Variants in PASK observed in about 807,000 individuals in gnomAD.
PASK encodes the protein PAS domain containing serine/threonine kinase.
A neutral mutation model predicts 121.0 loss-of-function variants in PASK; 110 were observed. The ratio of observed to expected loss-of-function variants is 0.91; its 90% CI spans 0.78 to 1.06. The LOEUF (loss-of-function observed/expected upper bound fraction) is 1.06. Among genes scored for constraint, PASK ranks in the 50% least tolerant of loss-of-function variants. PASK has a pLI of 0.00. For missense variants in PASK, 1,643 were observed against 1,702.3 expected (o/e 0.97, Z 0.61); for synonymous variants, 686 against 717.8 (o/e 0.96, Z 0.71).
intron 5 of PASK, 107 bp downstream of exon 5, chr2:241,138,547 T>A (rs2066551675): frequency 7.4e-7 from 1 of 1,354,468 alleles, no homozygotes; most frequent in Non-Finnish European, 1.0e-6. Flanking sequence ...AGGCTCCTCA[T>A]CCTCTCTTTC....
rs904068335 is a variant in PASK, at chr2:241,112,917, A to C, written c.3334-478T>G. ...AGGGAAAGTGACTTGCCCAGAGTTC[A>C]GGCAGCAATTTGGGGCAGAGCTGGG... On this transcript the variant is annotated intron_variant, in intron 14 of 17. Transcript: ENST00000234040. This position sits in a 1 kb window ranked among gnomAD's most constrained non-coding sequence, Gnocchi z 5.2. The C allele has an allele frequency of 1.7e-5, 3 of 173,662 alleles. No individual in the cohort carries two copies. Among genetic ancestry groups the C allele is most frequent in the African/African-American group, 7.2e-5 (3 of 41,636 alleles). 10.8% of individuals were successfully genotyped at this position (173,662 alleles called of 1,614,324 possible).
In PASK at chr2:241,108,152, G is replaced by A. The variant is rs1413885566; in HGVS notation, c.3667+15C>T. 1.2e-6 allele frequency: 2 copies of A among 1,614,006 alleles called. No individual in the cohort carries two copies. The highest frequency in any genetic ancestry group is 1.7e-6 in the Non-Finnish European group (2 of 1,179,886). On this transcript the variant is annotated intron_variant, in intron 16 of 17. Transcript: ENST00000234040. The surrounding 1 kb of genome is among the most constrained non-coding windows in gnomAD (Gnocchi z 5.2). ...GGACAGTGTCGACTGTCTACCACTT[G>A]CAGCTCACGCTCACCTTTGGACACC...
intron 9 of PASK, among the ~76,000 whole-genome samples, chr2:241,129,079 CA>C (rs2066009570): frequency 6.6e-6 from 1 of 152,120 alleles, no homozygotes; most frequent in African/African-American, 2.4e-5. Context: ...TCCCGCTCTC[CA>C]TCCATCCCAT....
At chr2:241,107,981 AC>A (rs918216363) in intron 16 of PASK, among the ~76,000 whole-genome samples, 185 bp downstream of exon 16, 1 of 152,252 alleles carries the variant, frequency 6.6e-6, no homozygotes, top group African/African-American at 2.4e-5. Flanking sequence ...CCAAAGAGGA[AC>A]ATTAACAAAA....
In PASK at chr2:241,132,916, C is replaced by A; in HGVS notation, c.1421G>T (p.Gly474Val). 1 of 1,614,136 alleles carries A rather than the reference C, an allele frequency of 6.2e-7. No homozygotes were observed. Among genetic ancestry groups the A allele is most frequent in the Admixed American group, 1.7e-5 (1 of 60,016 alleles). Residue 474 changes from glycine (G) to valine (V), a missense_variant, in exon 9 of 18, where the codon GGA becomes GTA. Around this residue, in one of 3 missense-constraint regions of PASK, gnomAD observed 1,176 missense variants for 1,162.2 expected, o/e 1.01. Transcript: ENST00000234040. ...TGAGAGGCAGGAAAGGAGCTGGCCT[C>A]CAGCAATCAGCTCAGTCTGAGTCCC... ...FTGTQTELIA[G>V]GQLLSCLSPQ...
chr2:241,147,622 AAAAAT>A (rs1225555133), intron 1 of PASK, among the ~76,000 whole-genome samples: 1 of 152,224 alleles, frequency 6.6e-6, no homozygotes, highest in Non-Finnish European at 1.5e-5. Context: ...CCCTGTCTCA[AAAAAT>A]AAAATAATAA....
At position 241,149,290 on chromosome 2, in the gene PASK, C is replaced by A. The variant is rs35196883; in HGVS notation, c.-43+124G>T. 37 of 177,030 alleles carry A rather than the reference C, an allele frequency of 2.1e-4. 1 individual carries two copies. The East Asian group carries it at 5.4e-3, about 26-fold the overall frequency. The allele number at this position is 177,030 out of a possible 1,614,324, so 11.0% of individuals were successfully genotyped here. A position where few individuals can be genotyped will look rare whatever the true frequency, so the allele number is the denominator to read the frequency against. On this transcript the variant is annotated intron_variant, in intron 1 of 17. Transcript: ENST00000234040. ...GGCGCAGGGGCGGGAGACCCGGGGTCGGGCTGGTCTAAGAGTCGGGCGGCG... is the reference window on the plus strand; with the variant it reads ...GGCGCAGGGGCGGGAGACCCGGGGTAGGGCTGGTCTAAGAGTCGGGCGGCG...
chr2:241,119,800 G>A (rs961892397), intron 12 of PASK, among the ~76,000 whole-genome samples: 4 of 152,038 alleles, frequency 2.6e-5, no homozygotes, highest in African/African-American at 9.7e-5. Flanking sequence ...CCCACCTTCT[G>A]CCCCACTCTG....
intron 1 of PASK, among the ~76,000 whole-genome samples, chr2:241,146,698 C>A (rs983629111): frequency 2.6e-5 from 4 of 152,128 alleles, no homozygotes; most frequent in Admixed American, 6.5e-5. Context: ...GGGAAACACA[C>A]CTATGTAATT....
chr2:241,106,964 G>A (rs55812932), intron 17 of PASK, among the ~76,000 whole-genome samples: 1 of 152,154 alleles, frequency 6.6e-6, no homozygotes, highest in Non-Finnish European at 1.5e-5. Flanking sequence ...AGCCTTGTCT[G>A]AAGAGCCCTC....
intron 8 of PASK, 28 bp downstream of exon 8, chr2:241,135,841 GGC>G (rs2066393445): frequency 6.2e-7 from 1 of 1,604,402 alleles, no homozygotes; most frequent in South Asian, 1.1e-5. Flanking sequence ...AGCAGCTACA[GGC>G]GCATTCAGGA....
In PASK at chr2:241,123,724, G is replaced by A. The variant is rs145687000; in HGVS notation, c.2904+225C>T. 6.6e-3 allele frequency among the ~76,000 whole-genome samples: 1,002 copies of A among 151,874 alleles called. 10 individuals carry two copies. Among genetic ancestry groups the A allele is most frequent in the African/African-American group, 0.022 (898 of 41,436 alleles). On this transcript the variant is annotated intron_variant, in intron 11 of 17. Coordinates refer to ENST00000234040, the MANE Select transcript of PASK (RefSeq NM_015148.4). ...TCCCCACTACTCGGGAGGCTGAGGC[G>A]GGCGAATCACTTGAACCCGGGAAGC...
chr2:241,119,684 A>T (rs186489465), intron 12 of PASK, among the ~76,000 whole-genome samples: 497 of 152,106 alleles, frequency 3.3e-3, no homozygotes, highest in African/African-American at 0.011. Context: ...GTTAGCCAGG[A>T]TGGTCTCGAT....
At chr2:241,116,632 A>G (rs1273427937) in intron 12 of PASK, among the ~76,000 whole-genome samples, 1 of 152,266 alleles carries the variant, frequency 6.6e-6, no homozygotes, top group Non-Finnish European at 1.5e-5. Context: ...ACTGACAGAC[A>G]TAAGGTAAAT....
rs2066662119 is a variant in PASK, at chr2:241,140,695, A to C, written c.255T>G (p.Ser85Arg). 3.1e-6 allele frequency: 5 copies of C among 1,614,030 alleles called. No individual in the cohort carries two copies. Among genetic ancestry groups the C allele is most frequent in the South Asian group, 1.1e-5 (1 of 91,088 alleles). ...CAGGGGCAGCAGGGCAGTGCAGTTT[A>C]CTTGTACAAATATTCTGGGCAGCCA... ...SSLAAQNICTSKLHCPAAPEH... is the reference protein window; with the variant it reads ...SSLAAQNICTRKLHCPAAPEH... The change falls in exon 3 of 18, where the codon AGT becomes AGG. Residue 85 changes from serine to arginine, a missense_variant. Ser to Arg is a moderately radical substitution (Grantham distance 110). Coordinates refer to ENST00000234040, the MANE Select transcript of PASK (RefSeq NM_015148.4).
intron 4 of PASK, 153 bp downstream of exon 4, chr2:241,139,732 C>T (rs1431543865): frequency 1.2e-5 from 9 of 767,752 alleles, no homozygotes; most frequent in Non-Finnish European, 1.8e-5. Context: ...AGCGGGGAAA[C>T]GGCGCCTGGG....
rs754638357 is a variant in PASK, at chr2:241,137,037, C to A, written c.1104G>T (p.Leu368=). 6.2e-7 allele frequency: 1 copy of A among 1,613,608 alleles called. No individual in the cohort carries two copies. The highest frequency in any genetic ancestry group is 1.7e-5 in the Admixed American group (1 of 60,034). Residue 368 remains leucine, a synonymous_variant, in exon 7 of 18, where the codon CTG becomes CTT. Transcript: ENST00000234040. ...GGAGCTCCGTCTTTCCGTAACCAAA[C>A]AGTGTCAGCGCGAAGCTGTGGTTGA... is the stretch of plus-strand genomic sequence containing the variant. The part of the protein sequence containing the change: ...HGINHSFALT[L]FGYGKTELLG...
Position 241,115,402 on chromosome 2 carries a change from C to A in PASK, c.3084G>T (p.Lys1028Asn). Residue 1028 changes from lysine (K) to asparagine (N), a missense_variant, in exon 13 of 18, where the codon AAG (lysine) becomes AAT (asparagine). This residue lies in a region of PASK where 453 missense variants were observed against 511.2 expected (regional missense o/e 0.89). Transcript: ENST00000234040. ...CCAAGACCTTCTCCTTCTTAATAAA[C>A]TTCACCACCACCTGTGAGGAAGACA... ...DKEKNKEVVV[K>N]FIKKEKVLED... is the part of the protein sequence containing the mutation. The A allele has an allele frequency of 6.2e-7, 1 of 1,613,886 alleles. No individual in the cohort carries two copies. Among genetic ancestry groups the A allele is most frequent in the Non-Finnish European group, 8.5e-7 (1 of 1,179,864 alleles).
At chr2:241,150,045 G>A (rs2067211836), upstream of PASK, 10 of 1,368,556 alleles carry the variant, frequency 7.3e-6, no homozygotes, top group Non-Finnish European at 9.4e-6. Flanking sequence ...GAGGCTCGCA[G>A]AGGTCAGGGA....
Sources: gnomAD v4.1 joint callset for allele counts (sites outside exome capture counted in the v4.1 genomes callset) on GRCh38, gnomAD v4.1.1 for gene constraint, gnomAD v4.1.1 regional missense constraint, Gnocchi (gnomAD v3.1) non-coding constraint, MANE v1.5 for transcripts, NCBI Gene and HGNC (gene_info 2026-07-23, HGNC 2026-07-21) for gene names.